Variants in HDAC9 observed in about 807,000 individuals in gnomAD.
HDAC9 encodes the protein MEF-2 interacting transcription repressor (MITR) protein.
In HDAC9, 41 loss-of-function variants were observed where a neutral mutation model predicts 139.4. The observed-to-expected ratio is 0.29, with a 90% CI of 0.23 to 0.38. The LOEUF is 0.38. Ranked by LOEUF, HDAC9 falls within the 10% of genes least tolerant of loss-of-function variation. The probability of loss-of-function intolerance (pLI) is 1.00; values close to 1 mark genes in which losing one functional copy is unlikely to be tolerated. For synonymous variants in HDAC9, 517 were observed against 476.2 expected (o/e 1.09, Z -1.12); for missense variants, 1,147 against 1,297.0 (o/e 0.88, Z 1.78).
chr7:18,520,101 A>G (rs1468527296), intron 2 of HDAC9, among the ~76,000 whole-genome samples: 1 of 152,132 alleles, frequency 6.6e-6, no homozygotes, highest in Non-Finnish European at 1.5e-5. Flanking sequence ...TGCTAGCATG[A>G]AAATCACAGT....
At chr7:18,758,367 A>C (rs2129153754) in intron 14 of HDAC9, among the ~76,000 whole-genome samples, 1 of 152,308 alleles carries the variant, frequency 6.6e-6, no homozygotes, top group African/African-American at 2.4e-5. Context: ...TTATCAGAAA[A>C]CTTTAGCCTA....
Position 18,581,491 on chromosome 7 carries a change from A to G in HDAC9, c.23-3790A>G, listed in dbSNP as rs569026477. Reference sequence around the variant, plus strand: ...AGAGACTTGTAGGACTTTTTTTCTTATCTTTTTAAAAAAGCTTTTTTAGAG... The same window carrying G: ...AGAGACTTGTAGGACTTTTTTTCTTGTCTTTTTAAAAAAGCTTTTTTAGAG... On this transcript the variant is annotated intron_variant, in intron 2 of 25. Transcript: ENST00000686413. Among the ~76,000 whole-genome samples, 50 of 152,096 alleles carry G rather than the reference A, an allele frequency of 3.3e-4. No homozygotes were observed. The South Asian group carries it at 8.5e-3, about 26-fold the overall frequency.
chr7:18,193,579 G>A (rs761946518), intron 2 of HDAC9, among the ~76,000 whole-genome samples: 6 of 152,182 alleles, frequency 3.9e-5, no homozygotes, highest in Admixed American at 1.3e-4. Flanking sequence ...ATCTAGAAAT[G>A]TTCCTAATAT....
At chr7:18,406,565 T>G (rs1165040422) in intron 1 of HDAC9, among the ~76,000 whole-genome samples, 7 of 152,242 alleles carry the variant, frequency 4.6e-5, no homozygotes, top group Admixed American at 4.6e-4. Flanking sequence ...GGCTAATTTT[T>G]TGTATTTTTA....
Position 18,647,831 on chromosome 7 carries a change from T to A in HDAC9, c.1082T>A (p.Leu361His), listed in dbSNP as rs1369210084. Reference protein sequence around the residue: ...KEKQKCETQTLRQGVPLPGQY... With the variant: ...KEKQKCETQTHRQGVPLPGQY... ...AAGCAGAAGTGTGAGACGCAGACGC[T>A]TAGGCAAGGTGTTCCTCTGCCTGGG... The change falls in exon 10 of 26, where the codon CTT (leucine) becomes CAT (histidine). Residue 361 changes from leucine (L) to histidine (H), a missense_variant. Physicochemically the swap from Leu to His is moderately conservative, Grantham distance 99. Coordinates refer to ENST00000686413, the MANE Select transcript of HDAC9 (RefSeq NM_178425.4). 3 of 1,612,328 alleles carry A rather than the reference T, an allele frequency of 1.9e-6. No individual in the cohort carries two copies. Among genetic ancestry groups the A allele is most frequent in the Non-Finnish European group, 2.5e-6 (3 of 1,179,172 alleles).
chr7:18,098,299 T>C (rs181814090), intron 1 of HDAC9, among the ~76,000 whole-genome samples: 11 of 152,350 alleles, frequency 7.2e-5, no homozygotes, highest in African/African-American at 2.6e-4. Flanking sequence ...ACCTCAGTAT[T>C]GGGTATATTC....
intron 1 of HDAC9, among the ~76,000 whole-genome samples, chr7:18,417,480 T>C (rs1789192179): frequency 6.6e-6 from 1 of 152,202 alleles, no homozygotes; most frequent in African/African-American, 2.4e-5. Flanking sequence ...AACCAGTCAT[T>C]GTGAGTTTTA....
intron 1 of HDAC9, among the ~76,000 whole-genome samples, chr7:18,359,360 ATAAAT>A (rs1783590846): frequency 6.6e-6 from 1 of 152,154 alleles, no homozygotes; most frequent in Non-Finnish European, 1.5e-5. Context: ...ATAAAATAAA[ATAAAT>A]TAAATAGTAA....
At chr7:18,409,409 T>C (rs550451343) in intron 1 of HDAC9, among the ~76,000 whole-genome samples, 2 of 151,354 alleles carry the variant, frequency 1.3e-5, no homozygotes, top group East Asian at 3.9e-4. Flanking sequence ...TCATTAACGA[T>C]GGGCCTTTTT....
chr7:18,257,812 T>G (rs1260354362), intron 2 of HDAC9, among the ~76,000 whole-genome samples: 1 of 152,230 alleles, frequency 6.6e-6, no homozygotes, highest in East Asian at 1.9e-4. Context: ...TATAATGCTT[T>G]GGGTTAATTG....
rs118151075 is a variant in HDAC9, at chr7:18,915,738, A to T, written c.2804-20071A>T. Among the ~76,000 whole-genome samples, 495 of 152,064 alleles carry T rather than the reference A, an allele frequency of 3.3e-3. 1 individual carries two copies. The highest frequency in any genetic ancestry group is 0.014 in the Middle Eastern group (4 of 294). On this transcript the variant is annotated intron_variant, in intron 22 of 25. Transcript: ENST00000686413. ...GCTGATGTCTGACAGCCCAGAAATT[A>T]AAACGAAATAAATATGCCATTTTAA...
At chr7:18,593,053 G>T (rs141322673) in intron 5 of HDAC9, among the ~76,000 whole-genome samples, 15 of 152,172 alleles carry the variant, frequency 9.9e-5, no homozygotes, top group African/African-American at 3.6e-4. Flanking sequence ...GAGTCCAACT[G>T]CAGATAACCA....
intron 1 of HDAC9, among the ~76,000 whole-genome samples, chr7:18,125,358 G>T (rs1395353754): frequency 1.3e-5 from 2 of 152,002 alleles, no homozygotes; most frequent in African/African-American, 2.4e-5. Flanking sequence ...CTGTTGAGAC[G>T]CTGAGTTTCT....
At chr7:18,839,807 A>G (rs1460460935) in intron 21 of HDAC9, among the ~76,000 whole-genome samples, 4 of 152,016 alleles carry the variant, frequency 2.6e-5, no homozygotes, top group African/African-American at 9.7e-5. Flanking sequence ...TATACTCTCT[A>G]CAGTCCATTG....
At chr7:18,783,087 A>G (rs1398899469) in intron 16 of HDAC9, among the ~76,000 whole-genome samples, 1 of 152,040 alleles carries the variant, frequency 6.6e-6, no homozygotes, top group East Asian at 1.9e-4. Context: ...ATTTCTCGAA[A>G]TCCTGGGGTT....
rs184203379 is a variant in HDAC9 at position 18,529,285 on chromosome 7, C to T, written c.22+32961C>T. ...CCCCCTTCTTTTCCTTCCTCATCTT[C>T]CTAAGGTTGTCAGTTGGCATAGGAC... is the stretch of plus-strand genomic sequence containing the variant. On this transcript the variant is annotated intron_variant, in intron 2 of 25. Transcript: ENST00000686413. 2.0e-4 allele frequency among the ~76,000 whole-genome samples: 30 copies of T among 152,246 alleles called. 1 individual carries two copies. In the East Asian group the frequency reaches 5.6e-3, roughly 28 times the overall value.
chr7:18,801,910 A>G (rs1442137553), intron 17 of HDAC9, among the ~76,000 whole-genome samples: 1 of 151,986 alleles, frequency 6.6e-6, no homozygotes, highest in African/African-American at 2.4e-5. Context: ...CAGGAGCTTT[A>G]GCAATATATC....
At chr7:18,775,305 TG>T (rs1790664424) in intron 16 of HDAC9, among the ~76,000 whole-genome samples, 1 of 151,918 alleles carries the variant, frequency 6.6e-6, no homozygotes, top group African/African-American at 2.4e-5. Context: ...GCTGGAAAAA[TG>T]ACGCCCATAG....
intron 23 of HDAC9, among the ~76,000 whole-genome samples, chr7:18,950,743 C>A (rs777122651): frequency 3.3e-5 from 5 of 151,596 alleles, no homozygotes; most frequent in Non-Finnish European, 7.4e-5. Flanking sequence ...GCAATATTTG[C>A]GGTGGTCCTT....
Sources: gnomAD v4.1 joint callset for allele counts (sites outside exome capture counted in the v4.1 genomes callset) on GRCh38, gnomAD v4.1.1 for gene constraint, MANE v1.5 for transcripts, NCBI Gene and HGNC (gene_info 2026-07-23, HGNC 2026-07-21) for gene names.